SLMAP: variants seen among roughly 807,000 people sequenced by gnomAD.
SLMAP encodes sarcolemma associated protein, also known as sarcolemmal membrane-associated protein.
A neutral mutation model predicts 128.8 loss-of-function variants in SLMAP; 44 were observed. The ratio of observed to expected loss-of-function variants is 0.34; its 90% CI spans 0.27 to 0.44. The LOEUF (loss-of-function observed/expected upper bound fraction) is 0.44. SLMAP is among the 20% of genes least tolerant of loss of function. The pLI, the probability that SLMAP is intolerant of heterozygous loss-of-function variation, is 1.00. For missense variants in SLMAP, 787 were observed against 985.3 expected (o/e 0.80, Z 2.69); for synonymous variants, 327 against 348.8 (o/e 0.94, Z 0.70).
chr3:57,809,515 C>A (rs2090538980), intron 2 of SLMAP, among the ~76,000 whole-genome samples: 1 of 152,160 alleles, frequency 6.6e-6, no homozygotes, highest in Admixed American at 6.5e-5. Context: ...CTACAGGTAC[C>A]CCTTGGCACC....
intron 14 of SLMAP, among the ~76,000 whole-genome samples, chr3:57,872,612 T>C (rs2095508914): frequency 6.6e-6 from 1 of 152,172 alleles, no homozygotes; most frequent in Non-Finnish European, 1.5e-5. Context: ...AGAGCAAGAC[T>C]GTATCTCCAA....
chr3:57,907,100 T>A (rs532391631), intron 17 of SLMAP, among the ~76,000 whole-genome samples: 2 of 152,152 alleles, frequency 1.3e-5, no homozygotes, highest in Non-Finnish European at 2.9e-5. Flanking sequence ...CGATCTCGGC[T>A]CACTGCAACG....
chr3:57,929,476 GTTAC>G lies in SLMAP; in HGVS notation c.*2190_*2193del, dbSNP rs1258213576. Among the ~76,000 whole-genome samples, 3 of 152,048 alleles carry G rather than the reference GTTAC, an allele frequency of 2.0e-5. No homozygotes were observed. Among genetic ancestry groups the G allele is most frequent in the African/African-American group, 4.8e-5 (2 of 41,402 alleles). ...CAAGTGGAATAAATGGCTTTTTGTA[GTTAC>G]TTCCAGTTTTCCTCAAGAATAGAAA... On this transcript the variant is annotated 3_prime_UTR_variant, in exon 25 of 25. Transcript: ENST00000671191.
intron 2 of SLMAP, among the ~76,000 whole-genome samples, chr3:57,781,117 T>C (rs11916697): frequency 1.3e-5 from 2 of 151,934 alleles, no homozygotes. Flanking sequence ...TGGTGGTACA[T>C]GCCTGTAGCC....
chr3:57,891,769 G>A (rs1251213737), intron 15 of SLMAP, among the ~76,000 whole-genome samples: 1 of 152,024 alleles, frequency 6.6e-6, no homozygotes, highest in Non-Finnish European at 1.5e-5. Context: ...AGAGAATGAG[G>A]TTTCACCATG....
chr3:57,763,819 G>T (rs946221217), intron 2 of SLMAP, among the ~76,000 whole-genome samples: 1 of 152,126 alleles, frequency 6.6e-6, no homozygotes, highest in African/African-American at 2.4e-5. Flanking sequence ...GATAAGAAAA[G>T]GTGTTTTTTT....
At chr3:57,906,372 G>T (rs1462900440) in intron 17 of SLMAP, among the ~76,000 whole-genome samples, 1 of 132,454 alleles carries the variant, frequency 7.5e-6, no homozygotes, top group Admixed American at 8.8e-5. Context: ...CTGGAGTGCA[G>T]TGGCGCGATC....
intron 3 of SLMAP, among the ~76,000 whole-genome samples, chr3:57,837,321 T>A (rs2093685174): frequency 6.6e-6 from 1 of 152,198 alleles, no homozygotes; most frequent in African/African-American, 2.4e-5. Context: ...ACATATTGGT[T>A]GAGTAAATTT....
chr3:57,786,989 G>T (rs1052239729), intron 2 of SLMAP, among the ~76,000 whole-genome samples: 1 of 152,078 alleles, frequency 6.6e-6, no homozygotes, highest in Non-Finnish European at 1.5e-5. Flanking sequence ...GCCCGCCTCG[G>T]CCTCCCAAAG....
chr3:57,864,745 A>C lies in SLMAP; in HGVS notation c.1135+29A>C, dbSNP rs754376879. On this transcript the variant is annotated intron_variant, in intron 11 of 24. Coordinates refer to ENST00000671191, the MANE Select transcript of SLMAP (RefSeq NM_001377540.1). Reference sequence around the variant, plus strand: ...AGTAGCTAATCCAGAAATTGATTTTATTTTATTTTTTTTCTTGTTATCTGT... The same window carrying C: ...AGTAGCTAATCCAGAAATTGATTTTCTTTTATTTTTTTTCTTGTTATCTGT... 7 of 1,568,138 alleles carry C rather than the reference A, an allele frequency of 4.5e-6. No homozygotes were observed. In the East Asian group the frequency reaches 1.6e-4, roughly 36 times the overall value.
chr3:57,825,628 CA>C (rs2092871183), intron 2 of SLMAP, among the ~76,000 whole-genome samples: 1 of 151,454 alleles, frequency 6.6e-6, no homozygotes, highest in South Asian at 2.1e-4. Context: ...GCCACTTTTA[CA>C]GCTTGGATGA....
chr3:57,879,079 A>G (rs898214260), intron 14 of SLMAP, among the ~76,000 whole-genome samples: 1 of 152,202 alleles, frequency 6.6e-6, no homozygotes, highest in South Asian at 2.1e-4. Flanking sequence ...AGCTGTCTCA[A>G]ACTTCTGGGC....
chr3:57,828,967 G>T (rs557587165), intron 2 of SLMAP, among the ~76,000 whole-genome samples: 1 of 152,074 alleles, frequency 6.6e-6, no homozygotes, highest in Admixed American at 6.5e-5. Flanking sequence ...TTTTTTTGTA[G>T]GGATGGGGTC....
At chr3:57,904,095 A>G (rs1193890865) in intron 17 of SLMAP, among the ~76,000 whole-genome samples, 1 of 151,048 alleles carries the variant, frequency 6.6e-6, no homozygotes, top group African/African-American at 2.5e-5. Context: ...TAGAAAGAGG[A>G]TCTGCACACT....
At chr3:57,836,595 C>T (rs1262120808) in intron 3 of SLMAP, among the ~76,000 whole-genome samples, 1 of 152,140 alleles carries the variant, frequency 6.6e-6, no homozygotes, top group East Asian at 1.9e-4. Context: ...GCCTCAGTCT[C>T]CCAAAGTGGT....
chr3:57,805,226 G>T (rs982189352), intron 2 of SLMAP, among the ~76,000 whole-genome samples: 1 of 151,854 alleles, frequency 6.6e-6, no homozygotes, highest in Admixed American at 6.6e-5. Context: ...TTCAGTCATT[G>T]TTTTCCCTGT....
At chr3:57,811,018 T>C (rs1169603942) in intron 2 of SLMAP, among the ~76,000 whole-genome samples, 1 of 152,226 alleles carries the variant, frequency 6.6e-6, no homozygotes, top group Non-Finnish European at 1.5e-5. Flanking sequence ...AAGCTGAGAC[T>C]TCTTCCCCTG....
At chr3:57,765,998 T>G (rs2079591109) in intron 2 of SLMAP, among the ~76,000 whole-genome samples, 1 of 150,732 alleles carries the variant, frequency 6.6e-6, no homozygotes, top group Non-Finnish European at 1.5e-5. Context: ...CTGATTTTCT[T>G]TCTTTTTTTT....
chr3:57,834,210 C>T (rs528358807), intron 3 of SLMAP, among the ~76,000 whole-genome samples: 12 of 151,726 alleles, frequency 7.9e-5, no homozygotes, highest in South Asian at 6.3e-4. Context: ...AATTAGAAAA[C>T]GAATAAGTAA....
Sources: allele counts gnomAD v4.1 joint callset (sites outside exome capture counted in the v4.1 genomes callset), GRCh38; gene constraint gnomAD v4.1.1; transcripts MANE v1.5; gene names NCBI Gene and HGNC (gene_info 2026-07-23, HGNC 2026-07-21).